NOL4: variants seen among roughly 807,000 people sequenced by gnomAD.
NOL4 encodes the protein cancer/testis antigen 125.
NOL4 carries 17 observed loss-of-function variants against 75.9 expected under a neutral mutation model. The observed-to-expected ratio is 0.22, with a 90% CI of 0.15 to 0.34. NOL4 has a LOEUF of 0.34. Ranked by LOEUF, NOL4 falls within the 10% of genes least tolerant of loss-of-function variation. NOL4 has a pLI of 1.00. For synonymous variants in NOL4, 292 were observed against 289.9 expected (o/e 1.01, Z -0.07); for missense variants, 614 against 793.5 (o/e 0.77, Z 2.72).
chr18:34,008,300 G>A (rs1318009022), intron 6 of NOL4, among the ~76,000 whole-genome samples: 1 of 151,872 alleles, frequency 6.6e-6, no homozygotes, highest in African/African-American at 2.4e-5. Context: ...GCTGACAGCA[G>A]ATCATTGAAT....
At chr18:34,194,426 G>GGGAAGGAAGGAA (rs796904055) in intron 1 of NOL4, among the ~76,000 whole-genome samples, 21,681 of 126,368 alleles carry the variant, frequency 0.17, 1,988 homozygotes, top group Non-Finnish European at 0.2. Flanking sequence ...GAGGGAGGGA[G>GGGAAGGAAGGAA]GGAAGGAAGG....
chr18:34,043,177 A>T (rs1390155584), intron 5 of NOL4, among the ~76,000 whole-genome samples: 1 of 152,134 alleles, frequency 6.6e-6, no homozygotes, highest in Non-Finnish European at 1.5e-5. Flanking sequence ...CTTCATGTAC[A>T]TACAGTGTGC....
intron 5 of NOL4, among the ~76,000 whole-genome samples, chr18:34,053,989 T>C (rs980449481): frequency 2.6e-5 from 4 of 151,946 alleles, no homozygotes; most frequent in African/African-American, 7.2e-5. Flanking sequence ...ATGAGTAAGA[T>C]GAAAGTGAAT....
Position 33,980,531 on chromosome 18 carries a change from G to C in NOL4, c.1057-22113C>G, listed in dbSNP as rs111700572. 2.9e-3 allele frequency among the ~76,000 whole-genome samples: 444 copies of C among 152,002 alleles called. 2 individuals carry two copies. Among genetic ancestry groups the C allele is most frequent in the South Asian group, 0.018 (88 of 4,820 alleles). The stretch of plus-strand genomic sequence containing the variant: ...ATTGCTGTGGTTTTATTAGAGTCCA[G>C]TTGAGTTGGAGGAAGAAAATTACCC... On this transcript the variant is annotated intron_variant, in intron 6 of 10. Coordinates refer to ENST00000261592, the MANE Select transcript of NOL4 (RefSeq NM_003787.5).
chr18:33,999,888 G>A (rs1357233486), intron 6 of NOL4, among the ~76,000 whole-genome samples: 2 of 151,966 alleles, frequency 1.3e-5, no homozygotes, highest in Non-Finnish European at 2.9e-5. Context: ...CCCTGACCTC[G>A]TAATCCACCT....
At chr18:33,969,363 A>AT (rs1013286317) in intron 6 of NOL4, among the ~76,000 whole-genome samples, 5 of 151,802 alleles carry the variant, frequency 3.3e-5, no homozygotes, top group Non-Finnish European at 7.4e-5. Context: ...TTTCATCTTT[A>AT]TTTTTTTCAT....
At position 34,010,672 on chromosome 18, in the gene NOL4, T is replaced by A. The variant is rs2074320929; in HGVS notation, c.1056+8646A>T. Among the ~76,000 whole-genome samples, 4 of 151,952 alleles carry A rather than the reference T, an allele frequency of 2.6e-5. No homozygotes were observed. The South Asian group carries it at 8.3e-4, about 31-fold the overall frequency. On this transcript the variant is annotated intron_variant, in intron 6 of 10. Transcript: ENST00000261592. ...TTGTTTTAATTTACTTTCCCACCAATAGTATATGAGGGTTCTCTTTTCTCC... is the reference window on the plus strand; with the variant it reads ...TTGTTTTAATTTACTTTCCCACCAAAAGTATATGAGGGTTCTCTTTTCTCC...
chr18:34,080,055 C>A (rs1415741641), intron 5 of NOL4, among the ~76,000 whole-genome samples: 1 of 152,142 alleles, frequency 6.6e-6, no homozygotes, highest in African/African-American at 2.4e-5. Flanking sequence ...CAAAATATTG[C>A]CCCATTTGTA....
intron 10 of NOL4, among the ~76,000 whole-genome samples, chr18:33,856,394 G>A (rs2062837392): frequency 6.6e-6 from 1 of 152,046 alleles, no homozygotes; most frequent in Non-Finnish European, 1.5e-5. Flanking sequence ...TTATAAAAAT[G>A]TAATTGCTTG....
At chr18:34,195,030 A>G (rs900944709) in intron 1 of NOL4, among the ~76,000 whole-genome samples, 1 of 149,388 alleles carries the variant, frequency 6.7e-6, no homozygotes, top group African/African-American at 2.4e-5. Context: ...CTCCGTCTCA[A>G]AAAAAAAAAA....
intron 9 of NOL4, among the ~76,000 whole-genome samples, chr18:33,905,194 T>C (rs1424489844): frequency 6.6e-6 from 1 of 152,194 alleles, no homozygotes; most frequent in Non-Finnish European, 1.5e-5. Flanking sequence ...TACTAACTTC[T>C]GTTCATGACT....
Position 33,943,091 on chromosome 18 carries a change from TGGC to T in NOL4, c.1513_1515del (p.Ala505del), listed in dbSNP as rs2068604549. ...TGCTGTCTCTCCAGACGCATCCTCT[TGGC>T]GGCATTTCTACTCTCACTCTCACAA... On this transcript the variant is annotated inframe_deletion, in exon 9 of 11. Coordinates refer to ENST00000261592, the MANE Select transcript of NOL4 (RefSeq NM_003787.5). 1 of 1,611,714 alleles carries T rather than the reference TGGC, an allele frequency of 6.2e-7. No individual in the cohort carries two copies. Among genetic ancestry groups the T allele is most frequent in the Non-Finnish European group, 8.5e-7 (1 of 1,178,630 alleles).
At chr18:33,922,265 G>C (rs2067086134) in intron 9 of NOL4, among the ~76,000 whole-genome samples, 1 of 152,124 alleles carries the variant, frequency 6.6e-6, no homozygotes, top group Non-Finnish European at 1.5e-5. Context: ...ACAGTTTCAA[G>C]AGATTCATAT....
At chr18:34,140,608 A>C (rs2081105403) in intron 1 of NOL4, among the ~76,000 whole-genome samples, 1 of 152,152 alleles carries the variant, frequency 6.6e-6, no homozygotes, top group African/African-American at 2.4e-5. Context: ...AATAGAGCAC[A>C]CTGATGGGTC....
intron 1 of NOL4, among the ~76,000 whole-genome samples, chr18:34,202,384 ATACTT>A (rs2035802532): frequency 6.6e-6 from 1 of 151,956 alleles, no homozygotes; most frequent in Non-Finnish European, 1.5e-5. Flanking sequence ...TTTCACATCA[ATACTT>A]TAATCTTAGA....
At chr18:33,985,385 C>A (rs1042819163) in intron 6 of NOL4, among the ~76,000 whole-genome samples, 1 of 152,054 alleles carries the variant, frequency 6.6e-6, no homozygotes, top group East Asian at 1.9e-4. Context: ...TTCTAAATAT[C>A]TTAATTTCCA....
At chr18:34,038,200 T>C (rs572734136) in intron 5 of NOL4, among the ~76,000 whole-genome samples, 2 of 152,124 alleles carry the variant, frequency 1.3e-5, no homozygotes, top group Admixed American at 6.5e-5. Context: ...GAGATCATCT[T>C]ATCCCAGTCA....
intron 10 of NOL4, among the ~76,000 whole-genome samples, chr18:33,869,434 C>A (rs773320418): frequency 1.3e-4 from 20 of 151,858 alleles, no homozygotes; most frequent in Non-Finnish European, 2.1e-4. Context: ...GATCCTGCTA[C>A]CTCTAGAGTA....
chr18:33,901,286 G>A (rs2144986068), intron 9 of NOL4, among the ~76,000 whole-genome samples: 1 of 152,158 alleles, frequency 6.6e-6, no homozygotes, highest in East Asian at 1.9e-4. Flanking sequence ...AATGAAAACA[G>A]CTGAATCATC....
Sources: allele counts gnomAD v4.1 joint callset (sites outside exome capture counted in the v4.1 genomes callset), GRCh38; gene constraint gnomAD v4.1.1; transcripts MANE v1.5; gene names NCBI Gene and HGNC (gene_info 2026-07-23, HGNC 2026-07-21).